Variants in CYBRD1 observed in about 807,000 individuals in gnomAD.
The protein encoded by CYBRD1 is plasma membrane ascorbate-dependent reductase CYBRD1.
Under a neutral mutation model 21.9 loss-of-function variants are expected in CYBRD1, and 14 were observed. The observed-to-expected ratio is 0.64, with a 90% confidence interval of 0.42 to 1.00. The LOEUF (loss-of-function observed/expected upper bound fraction) is 1.00. Ranked by LOEUF, CYBRD1 falls within the 50% of genes least tolerant of loss-of-function variation. The probability of loss-of-function intolerance (pLI) is 0.00; values close to 1 mark genes in which losing one functional copy is unlikely to be tolerated. For synonymous variants in CYBRD1, 146 were observed against 136.5 expected (o/e 1.07, Z -0.48); for missense variants, 328 against 352.5 (o/e 0.93, Z 0.56).
chr2:171,540,259 A>C (rs902588754), intron 1 of CYBRD1, among the ~76,000 whole-genome samples: 4 of 152,188 alleles, frequency 2.6e-5, no homozygotes, highest in Non-Finnish European at 4.4e-5. Context: ...ATATAAATTG[A>C]ATTACACTAT....
intron 1 of CYBRD1, among the ~76,000 whole-genome samples, chr2:171,526,705 T>C (rs1366752461): frequency 6.6e-6 from 1 of 152,138 alleles, no homozygotes; most frequent in Non-Finnish European, 1.5e-5. Flanking sequence ...CAGAAAAGAC[T>C]GAAACAAATA....
intron 1 of CYBRD1, chr2:171,539,998 T>TGGA (rs1697605719): frequency 1.3e-5 from 2 of 152,250 alleles, no homozygotes; most frequent in South Asian, 4.1e-4. Flanking sequence ...CCCAAAGTGT[T>TGGA]GGGATTACAG....
chr2:171,553,576 T>TA, intron 3 of CYBRD1, 76 bp downstream of exon 3: 2 of 1,321,518 alleles, frequency 1.5e-6, no homozygotes, highest in Non-Finnish European at 2.0e-6. Context: ...GAAAATGTAA[T>TA]AAAAATATAA....
chr2:171,541,887 CAG>C (rs1697640506), intron 2 of CYBRD1, 94 bp downstream of exon 2: 6 of 1,013,406 alleles, frequency 5.9e-6, no homozygotes, highest in Admixed American at 5.4e-5. Flanking sequence ...TTTTTTGAGA[CAG>C]AGTCTCGCTT....
chr2:171,538,464 G>T (rs1417816157), intron 1 of CYBRD1, among the ~76,000 whole-genome samples: 1 of 152,092 alleles, frequency 6.6e-6, no homozygotes, highest in Admixed American at 6.6e-5. Flanking sequence ...TAAATCATTT[G>T]AAAAGATTCC....
intron 1 of CYBRD1, among the ~76,000 whole-genome samples, chr2:171,524,312 TA>T (rs1289525456): frequency 6.6e-6 from 1 of 152,150 alleles, no homozygotes; most frequent in African/African-American, 2.4e-5. Context: ...AGTTCCAAAG[TA>T]ACTGTCAGAA....
intron 2 of CYBRD1, among the ~76,000 whole-genome samples, chr2:171,543,316 C>A (rs1471244565): frequency 1.3e-5 from 2 of 152,168 alleles, no homozygotes; most frequent in East Asian, 3.8e-4. Flanking sequence ...CTTGTATGTG[C>A]AGGACTGAGG....
At chr2:171,548,345 G>T (rs910009820) in intron 2 of CYBRD1, among the ~76,000 whole-genome samples, 1 of 152,170 alleles carries the variant, frequency 6.6e-6, no homozygotes, top group African/African-American at 2.4e-5. Flanking sequence ...AGGTGATTCA[G>T]ATTAGTGCTA....
In CYBRD1 at chr2:171,556,263, C is replaced by T. The variant is rs1421130662; in HGVS notation, c.*1436C>T. 1.3e-5 allele frequency: 2 copies of T among 152,176 alleles called. No homozygotes were observed. The highest frequency in any genetic ancestry group is 1.3e-4 in the Admixed American group (2 of 15,278). The allele number at this position is 152,176 out of a possible 1,614,324, so 9.4% of individuals were successfully genotyped here. On this transcript the variant is annotated 3_prime_UTR_variant, in exon 4 of 4. Coordinates refer to ENST00000321348, the MANE Select transcript of CYBRD1 (RefSeq NM_024843.4). ...AAAGAGACCTGTCTCATGGTCTGCC[C>T]TTCCCTGGGGCAATAGCTAGGGTCT...
intron 2 of CYBRD1, among the ~76,000 whole-genome samples, chr2:171,551,891 G>T (rs550773711): frequency 6.7e-4 from 102 of 152,152 alleles, no homozygotes; most frequent in Non-Finnish European, 1.2e-3. Flanking sequence ...GATTCTTTTG[G>T]ATTGTGTTTT....
At position 171,554,798 on chromosome 2, in the gene CYBRD1, G is replaced by A. The variant is rs1683454183; in HGVS notation, c.832G>A (p.Asp278Asn). 6.2e-7 allele frequency: 1 copy of A among 1,613,288 alleles called. No individual in the cohort carries two copies. The highest frequency in any genetic ancestry group is 1.3e-5 in the African/African-American group (1 of 74,866). Reference protein sequence around the residue: ...VAARKRNLALDEAGQRSTM With the variant: ...VAARKRNLALNEAGQRSTM ...AGCAAGGAAAAGAAACTTAGCTCTG[G>A]ATGAGGCTGGGCAGAGATCTACCAT... The change falls in exon 4 of 4, where the codon GAT becomes AAT. Residue 278 changes from aspartate (D) to asparagine (N), a missense_variant. Transcript: ENST00000321348.
At position 171,522,897 on chromosome 2, in the gene CYBRD1, G is replaced by A. The variant is rs1352750631; in HGVS notation, c.193+159G>A. Among the ~76,000 whole-genome samples the A allele has an allele frequency of 3.3e-5, 5 of 152,022 alleles. No individual in the cohort carries two copies. The highest frequency in any genetic ancestry group is 1.2e-4 in the African/African-American group (5 of 41,398). ...GCGCGGGAAGCCAAGTCGGCTGGGC[G>A]GGAGGGAGGCTGGCTGGCTCTGGGG... On this transcript the variant is annotated intron_variant, in intron 1 of 3. Transcript: ENST00000321348. The surrounding 1 kb of genome is among the most constrained non-coding windows in gnomAD (Gnocchi z 4.3).
At chr2:171,523,331 G>A (rs1253073412) in intron 1 of CYBRD1, 4 of 364,412 alleles carry the variant, frequency 1.1e-5, no homozygotes, top group Non-Finnish European at 2.2e-5. Flanking sequence ...GCTGGCCAAG[G>A]GGGGCGAGTG....
intron 2 of CYBRD1, among the ~76,000 whole-genome samples, chr2:171,549,372 C>T (rs1402726786): frequency 1.3e-5 from 2 of 152,208 alleles, no homozygotes; most frequent in Non-Finnish European, 2.9e-5. Context: ...ACATGAGCCA[C>T]TGTGCCCAGC....
rs759916880 is a variant in CYBRD1 at position 171,522,508 on chromosome 2, G to A, written c.-38G>A. ...CAGAGGGCTGCCGCCGCCTCTCCAA[G>A]TTCTTGTGGCCCCCGCGGTGCGGAG... On this transcript the variant is annotated 5_prime_UTR_variant, in exon 1 of 4. Transcript: ENST00000321348. This position sits in a 1 kb window ranked among gnomAD's most constrained non-coding sequence, Gnocchi z 4.3. 1.5e-5 allele frequency: 23 copies of A among 1,565,028 alleles called. No individual in the cohort carries two copies. The African/African-American group carries it at 2.8e-4, about 19-fold the overall frequency.
chr2:171,522,304 G>C (rs1435222077), upstream of CYBRD1: 2 of 1,540,270 alleles, frequency 1.3e-6, no homozygotes, highest in Non-Finnish European at 1.7e-6. This position sits in a 1 kb window ranked among gnomAD's most constrained non-coding sequence, Gnocchi z 4.3. Context: ...GAGGCCACCA[G>C]GCAATGAGCG....
chr2:171,553,600 A>T, intron 3 of CYBRD1, 100 bp downstream of exon 3: 1 of 1,062,654 alleles, frequency 9.4e-7, no homozygotes, highest in Non-Finnish European at 1.3e-6. Context: ...AATTTTTTAG[A>T]TATTAAAATT....
intron 2 of CYBRD1, among the ~76,000 whole-genome samples, chr2:171,550,035 C>T (rs1228045244): frequency 1.3e-5 from 2 of 152,200 alleles, no homozygotes; most frequent in Non-Finnish European, 2.9e-5. Flanking sequence ...ATACAGATTC[C>T]TGGGCCCTAA....
Position 171,522,506 on chromosome 2 carries a change from A to G in CYBRD1, c.-40A>G. 6.4e-7 allele frequency: 1 copy of G among 1,563,450 alleles called. No homozygotes were observed. On this transcript the variant is annotated 5_prime_UTR_variant, in exon 1 of 4. Coordinates refer to ENST00000321348, the MANE Select transcript of CYBRD1 (RefSeq NM_024843.4). This position sits in a 1 kb window ranked among gnomAD's most constrained non-coding sequence, Gnocchi z 4.3. ...CCCAGAGGGCTGCCGCCGCCTCTCC[A>G]AGTTCTTGTGGCCCCCGCGGTGCGG...
Sources: allele counts gnomAD v4.1 joint callset (sites outside exome capture counted in the v4.1 genomes callset), GRCh38; gene constraint gnomAD v4.1.1; non-coding constraint Gnocchi (gnomAD v3.1); transcripts MANE v1.5; gene names NCBI Gene and HGNC (gene_info 2026-07-23, HGNC 2026-07-21).